Variants in TTLL7 observed in about 807,000 individuals in gnomAD.
TTLL7 encodes tubulin polyglutamylase TTLL7.
In TTLL7, 53 loss-of-function variants were observed where a neutral mutation model predicts 120.2. That is an observed-to-expected ratio of 0.44 (90% confidence interval 0.35 to 0.55). The LOEUF (loss-of-function observed/expected upper bound fraction) is 0.55, where lower values mean the gene tolerates loss of function less well. TTLL7 is among the 20% of genes least tolerant of loss of function. TTLL7 has a pLI of 0.00. For synonymous variants in TTLL7, 353 were observed against 351.7 expected, an observed-to-expected ratio of 1.00 and a Z score of -0.04; for missense variants, 803 against 1,054.7, an observed-to-expected ratio of 0.76 and a Z score of 3.31.
intron 13 of TTLL7, among the ~76,000 whole-genome samples, chr1:83,919,039 T>C (rs893644957): frequency 6.6e-6 from 1 of 152,054 alleles, no homozygotes; most frequent in African/African-American, 2.4e-5. Context: ...TCAGCTATCT[T>C]ATCTGACACA....
At chr1:83,907,346 G>A in intron 16 of TTLL7, 110 bp downstream of exon 16, 1 of 944,786 alleles carries the variant, frequency 1.1e-6, no homozygotes, top group Non-Finnish European at 1.6e-6. Context: ...GAGGTCATGA[G>A]TTGAATTATG....
At chr1:83,921,772 T>C (rs1305568265) in intron 10 of TTLL7, among the ~76,000 whole-genome samples, 1 of 152,134 alleles carries the variant, frequency 6.6e-6, no homozygotes, top group Non-Finnish European at 1.5e-5. Context: ...CTTGAGTTCT[T>C]ATAAGATTAA....
At chr1:83,924,557 G>A (rs1172217133) in intron 10 of TTLL7, among the ~76,000 whole-genome samples, 2 of 152,134 alleles carry the variant, frequency 1.3e-5, no homozygotes, top group Non-Finnish European at 2.9e-5. Flanking sequence ...ATGGTTTCCA[G>A]GGACTGGGGA....
intron 1 of TTLL7, among the ~76,000 whole-genome samples, chr1:83,967,851 C>CA (rs1385667013): frequency 6.6e-6 from 1 of 151,228 alleles, no homozygotes; most frequent in Admixed American, 6.6e-5. Flanking sequence ...CAATTCTTCT[C>CA]AAAAAACAAA....
intron 18 of TTLL7, among the ~76,000 whole-genome samples, chr1:83,891,060 T>C (rs1404159206): frequency 1.3e-5 from 2 of 152,124 alleles, no homozygotes; most frequent in Non-Finnish European, 1.5e-5. Context: ...TTTTGGACCA[T>C]GGGCTAGAAA....
intron 10 of TTLL7, among the ~76,000 whole-genome samples, chr1:83,926,693 T>C (rs1368286661): frequency 6.6e-6 from 1 of 152,210 alleles, no homozygotes; most frequent in Non-Finnish European, 1.5e-5. Flanking sequence ...ATGCTCATGC[T>C]GCAAGCCTGT....
intron 10 of TTLL7, among the ~76,000 whole-genome samples, chr1:83,926,913 C>A (rs1275653894): frequency 6.6e-6 from 1 of 152,030 alleles, no homozygotes; most frequent in Admixed American, 6.6e-5. Flanking sequence ...TTGGATTTTC[C>A]TTTTATTAGA....
At chr1:83,932,569 G>GCGCA (rs1659689103) in intron 9 of TTLL7, among the ~76,000 whole-genome samples, 3 of 150,022 alleles carry the variant, frequency 2.0e-5, no homozygotes, top group Admixed American at 6.7e-5. Context: ...ATAGGCGCGC[G>GCGCA]CACACACACA....
chr1:83,912,281 C>T (rs1334487877), intron 14 of TTLL7, among the ~76,000 whole-genome samples: 1 of 152,160 alleles, frequency 6.6e-6, no homozygotes, highest in East Asian at 1.9e-4. Flanking sequence ...CTATTAGAAT[C>T]ACTTGTTTCT....
chr1:83,909,269 C>CTTTTTTT (rs71582911), intron 15 of TTLL7, among the ~76,000 whole-genome samples: 2 of 99,294 alleles, frequency 2.0e-5, no homozygotes, highest in African/African-American at 3.8e-5. Context: ...TTTTTTTTTC[C>CTTTTTTT]TTTTTTTTTT....
chr1:83,977,244 A>G (rs1425742912), intron 1 of TTLL7, among the ~76,000 whole-genome samples: 2 of 152,080 alleles, frequency 1.3e-5, no homozygotes, highest in African/African-American at 4.8e-5. Flanking sequence ...AAATTTACTT[A>G]GCATTAGAAG....
At chr1:83,998,812 T>G in intron 1 of TTLL7, 119 bp downstream of exon 1, 1 of 299,920 alleles carries the variant, frequency 3.3e-6, no homozygotes, top group Non-Finnish European at 6.6e-6. Flanking sequence ...GCGGGGACGG[T>G]GTCCCCAGAG....
At chr1:83,987,174 G>A (rs1356781494) in intron 1 of TTLL7, among the ~76,000 whole-genome samples, 1 of 149,770 alleles carries the variant, frequency 6.7e-6, no homozygotes, top group Non-Finnish European at 1.5e-5. Flanking sequence ...TTAAAATATA[G>A]GTATAAATCT....
At chr1:83,962,951 C>T (rs12140562) in intron 1 of TTLL7, among the ~76,000 whole-genome samples, 7,125 of 152,194 alleles carry the variant, frequency 0.047, 229 homozygotes, top group Middle Eastern at 0.11. Context: ...TAATGGACAA[C>T]GCTTCTCTAA....
intron 20 of TTLL7, among the ~76,000 whole-genome samples, chr1:83,870,509 C>T (rs1160029733): frequency 3.9e-5 from 6 of 152,122 alleles, no homozygotes; most frequent in East Asian, 1.9e-4. Flanking sequence ...AGATCATTAA[C>T]GTATTATTAC....
intron 18 of TTLL7, among the ~76,000 whole-genome samples, chr1:83,900,669 A>G (rs941504350): frequency 1.3e-5 from 2 of 151,988 alleles, no homozygotes; most frequent in African/African-American, 4.8e-5. Context: ...TATCACTGTG[A>G]TGAATGCTTA....
intron 9 of TTLL7, among the ~76,000 whole-genome samples, chr1:83,930,310 C>G (rs1659490120): frequency 6.6e-6 from 1 of 152,060 alleles, no homozygotes; most frequent in Non-Finnish European, 1.5e-5. Flanking sequence ...TCATGAAAAT[C>G]TTTCATCATG....
At chr1:83,874,724 A>G (rs902198285) in intron 20 of TTLL7, among the ~76,000 whole-genome samples, 1 of 151,890 alleles carries the variant, frequency 6.6e-6, no homozygotes, top group Non-Finnish European at 1.5e-5. Flanking sequence ...TTTTGGGGGG[A>G]AAAGCCCCAG....
intron 8 of TTLL7, among the ~76,000 whole-genome samples, chr1:83,936,729 A>T (rs1647428707): frequency 6.7e-6 from 1 of 149,858 alleles, no homozygotes; most frequent in Non-Finnish European, 1.5e-5. Context: ...CAACATTTTT[A>T]AAATTTTTGA....
Sources: allele counts gnomAD v4.1 joint callset (sites outside exome capture counted in the v4.1 genomes callset), GRCh38; gene constraint gnomAD v4.1.1; transcripts MANE v1.5; gene names NCBI Gene and HGNC (gene_info 2026-07-23, HGNC 2026-07-21).